Variants in DDX46 observed in about 807,000 individuals in gnomAD.
DDX46 encodes the protein probable ATP-dependent RNA helicase DDX46.
Under a neutral mutation model 134.9 loss-of-function variants are expected in DDX46, and 30 were observed. That is an observed-to-expected ratio of 0.22 (90% CI 0.17 to 0.30). The LOEUF is 0.30. Among genes scored for constraint, DDX46 ranks in the 10% least tolerant of loss-of-function variants. The pLI is 1.00. For missense variants in DDX46, 622 were observed against 1,248.7 expected (o/e 0.50, Z 7.56); for synonymous variants, 415 against 404.1 (o/e 1.03, Z -0.32).
intron 8 of DDX46, among the ~76,000 whole-genome samples, chr5:134,782,611 A>G (rs1402829538): frequency 6.6e-6 from 1 of 151,502 alleles, no homozygotes; most frequent in East Asian, 1.9e-4. Context: ...TTGATTTCCT[A>G]CCACACCCCC....
At chr5:134,786,002 C>T (rs972103341) in intron 11 of DDX46, among the ~76,000 whole-genome samples, 1 of 152,036 alleles carries the variant, frequency 6.6e-6, no homozygotes, top group African/African-American at 2.4e-5. Context: ...GTGCCTGCCA[C>T]CACGCCTGGC....
chr5:134,811,858 A>C lies in DDX46; in HGVS notation c.2436+13A>C, dbSNP rs376878698. The C allele has an allele frequency of 3.1e-6, 5 of 1,601,322 alleles. No homozygotes were observed. The South Asian group carries it at 5.7e-5, about 18-fold the overall frequency. On this transcript the variant is annotated intron_variant, in intron 18 of 22. Transcript: ENST00000452510. Reference sequence around the variant, plus strand: ...TGCTGCAGTTGATGTAAGTACTATTATTCTCTCATTCTTAATTGAAGCAGT... The same window carrying C: ...TGCTGCAGTTGATGTAAGTACTATTCTTCTCTCATTCTTAATTGAAGCAGT...
At chr5:134,811,559 CTTAGT>C in intron 17 of DDX46, 132 bp from the exon 18 acceptor site, 4 of 1,127,586 alleles carry the variant, frequency 3.5e-6, no homozygotes, top group Non-Finnish European at 4.9e-6. Flanking sequence ...ATGTAGAGCT[CTTAGT>C]TTATCTTACA....
At chr5:134,771,045 T>C in intron 4 of DDX46, 46 bp downstream of exon 4, 1 of 768,696 alleles carries the variant, frequency 1.3e-6, no homozygotes, top group Non-Finnish European at 2.1e-6. Flanking sequence ...TCTTTTTGTC[T>C]TTCTTTCTTT....
chr5:134,788,281 A>C (rs1045301066), intron 11 of DDX46, among the ~76,000 whole-genome samples: 1 of 151,366 alleles, frequency 6.6e-6, no homozygotes, highest in Non-Finnish European at 1.5e-5. Context: ...CTTGGTTTTG[A>C]GGGATAGTGG....
rs529592779 is a variant in DDX46, at chr5:134,813,919, C to G, written c.2436+2074C>G. ...GTATTACAAACATGAGCCACCATGC[C>G]CAGCCCACTTTCTTCTATTAGAAGG... On this transcript the variant is annotated intron_variant, in intron 18 of 22. Transcript: ENST00000452510. Among the ~76,000 whole-genome samples the G allele has an allele frequency of 2.0e-5, 3 of 152,148 alleles. No homozygotes were observed. The South Asian group carries it at 6.2e-4, about 32-fold the overall frequency.
chr5:134,788,674 A>G (rs1421444022), intron 12 of DDX46, 83 bp downstream of exon 12: 1 of 1,222,064 alleles, frequency 8.2e-7, no homozygotes, highest in Non-Finnish European at 1.2e-6. Context: ...GAAACCAACA[A>G]AGGGTTTCTA....
At chr5:134,810,322 T>A (rs578048109) in intron 16 of DDX46, among the ~76,000 whole-genome samples, 10 of 151,606 alleles carry the variant, frequency 6.6e-5, no homozygotes, top group Admixed American at 1.3e-4. Context: ...ATTGTGCATT[T>A]GTGTAAAATT....
intron 11 of DDX46, among the ~76,000 whole-genome samples, chr5:134,787,509 T>C (rs1437202358): frequency 6.6e-6 from 1 of 152,252 alleles, no homozygotes; most frequent in African/African-American, 2.4e-5. Flanking sequence ...ATATTTGCTT[T>C]TGTTAACTCC....
Position 134,761,374 on chromosome 5 carries a change from A to G in DDX46, c.17+2419A>G, listed in dbSNP as rs182583558. Among the ~76,000 whole-genome samples the G allele has an allele frequency of 5.3e-4, 81 of 152,284 alleles. No individual in the cohort carries two copies. The East Asian group carries it at 0.013, about 24-fold the overall frequency. The stretch of plus-strand genomic sequence containing the variant: ...GAATGAGAGCAAGAGAAAAATATTG[A>G]TGATGACTAATGTTTTGAGCCTAGT... On this transcript the variant is annotated intron_variant, in intron 1 of 22. Transcript: ENST00000452510.
At chr5:134,759,671 A>G (rs989120512) in intron 1 of DDX46, among the ~76,000 whole-genome samples, 2 of 152,192 alleles carry the variant, frequency 1.3e-5, no homozygotes, top group Non-Finnish European at 2.9e-5. Flanking sequence ...ACTGAAAGAT[A>G]TTTTATGTCT....
chr5:134,826,860 C>T, intron 21 of DDX46, 87 bp from the exon 22 acceptor site: 2 of 1,327,228 alleles, frequency 1.5e-6, no homozygotes, highest in Non-Finnish European at 2.1e-6. Context: ...AAGTCACCTA[C>T]AGTGTTTCTT....
chr5:134,767,022 C>T lies in DDX46; in HGVS notation c.312C>T (p.Ser104=), dbSNP rs776937889. The change falls in exon 3 of 23, where the codon TCC becomes TCT. Residue 104 remains serine (S), a synonymous_variant. Coordinates refer to ENST00000452510, the MANE Select transcript of DDX46 (RefSeq NM_001300860.2). ...GAAGCCGGGGCCGGCGATCCCGATC[C>T]TCCAGTCCTGGAAATAAAAGCAAGA... ...RSRSRGRRSR[S]SSPGNKSKKT... 2.5e-6 allele frequency: 4 copies of T among 1,613,976 alleles called. No homozygotes were observed. The highest frequency in any genetic ancestry group is 3.4e-6 in the Non-Finnish European group (4 of 1,179,978).
At position 134,826,996 on chromosome 5, in the gene DDX46, C is replaced by T. The variant is rs1033171843; in HGVS notation, c.3027C>T (p.Leu1009=). ...AAGCAAAGGCAGAAATCACCAGGCT[C>T]ATAAAAGAAGAGCTGATCCGGCTGG... ...VQKAKAEITR[L]IKEELIRLQN... The change falls in exon 22 of 23, where the codon CTC becomes CTT. Residue 1009 remains leucine, a synonymous_variant. Transcript: ENST00000452510. 10 of 1,613,128 alleles carry T rather than the reference C, an allele frequency of 6.2e-6. No individual in the cohort carries two copies. Among genetic ancestry groups the T allele is most frequent in the Admixed American group, 3.3e-5 (2 of 59,844 alleles).
At chr5:134,820,644 T>G (rs901886018) in intron 21 of DDX46, among the ~76,000 whole-genome samples, 6 of 152,232 alleles carry the variant, frequency 3.9e-5, no homozygotes, top group African/African-American at 1.2e-4. Context: ...AGCAGTCTTT[T>G]GCTATTTAGG....
intron 15 of DDX46, among the ~76,000 whole-genome samples, chr5:134,803,992 G>T (rs930445086): frequency 2.0e-5 from 3 of 150,314 alleles, no homozygotes; most frequent in African/African-American, 4.9e-5. Context: ...GAGTGCAGGG[G>T]TGTGATCACA....
At chr5:134,796,907 T>C (rs1580801847) in intron 15 of DDX46, among the ~76,000 whole-genome samples, 1 of 148,928 alleles carries the variant, frequency 6.7e-6, no homozygotes, top group East Asian at 2.0e-4. Context: ...ATCCCAGAAC[T>C]TTGAGAGGCT....
chr5:134,817,966 T>G (rs76893138), intron 20 of DDX46, among the ~76,000 whole-genome samples: 1 of 150,090 alleles, frequency 6.7e-6, no homozygotes, highest in African/African-American at 2.5e-5. Context: ...TTTTTTTTTT[T>G]GAGACAGACT....
In DDX46 at chr5:134,766,771, C is replaced by T. The variant is rs945733619; in HGVS notation, c.207-146C>T. 11 of 938,246 alleles carry T rather than the reference C, an allele frequency of 1.2e-5. No individual in the cohort carries two copies. In the South Asian group the frequency reaches 2.1e-4, roughly 18 times the overall value. The allele number at this position is 938,246 out of a possible 1,614,324, so 58.1% of individuals were successfully genotyped here. On this transcript the variant is annotated intron_variant, in intron 2 of 22. Transcript: ENST00000452510. Reference sequence around the variant, plus strand: ...GTATTCTCATTTTTTTCGTTGAGCACTTATAAGACTTGGCTTTACTTCATT... The same window carrying T: ...GTATTCTCATTTTTTTCGTTGAGCATTTATAAGACTTGGCTTTACTTCATT...
Sources: gnomAD v4.1 joint callset for allele counts (sites outside exome capture counted in the v4.1 genomes callset) on GRCh38, gnomAD v4.1.1 for gene constraint, MANE v1.5 for transcripts, NCBI Gene and HGNC (gene_info 2026-07-23, HGNC 2026-07-21) for gene names.